Variants in NTRK3 observed in about 807,000 individuals in gnomAD.
The protein encoded by NTRK3 is neurotrophic receptor tyrosine kinase 3.
NTRK3 carries 24 observed loss-of-function variants against 91.7 expected under a neutral mutation model. The observed-to-expected ratio is 0.26, with a 90% CI of 0.19 to 0.37. The LOEUF (loss-of-function observed/expected upper bound fraction) is 0.37. Among genes scored for constraint, NTRK3 ranks in the 10% least tolerant of loss-of-function variants. The pLI is 1.00. For missense variants in NTRK3, 880 were observed against 1,068.9 expected, an observed-to-expected ratio of 0.82 and a Z score of 2.46; for synonymous variants, 483 against 404.0, an observed-to-expected ratio of 1.20 and a Z score of -2.34.
intron 17 of NTRK3, among the ~76,000 whole-genome samples, chr15:87,910,330 C>T (rs1296894155): frequency 1.3e-5 from 2 of 152,156 alleles, no homozygotes; most frequent in Non-Finnish European, 2.9e-5. Context: ...GAAAAAGTGG[C>T]ACTGAGGTGC....
chr15:88,160,838 TA>T (rs1394382427), intron 5 of NTRK3, among the ~76,000 whole-genome samples: 4 of 152,252 alleles, frequency 2.6e-5, no homozygotes, highest in African/African-American at 9.6e-5. Flanking sequence ...GAAAAGCATT[TA>T]GGGGAGAGGT....
At chr15:88,006,777 TG>T (rs1381493639) in intron 14 of NTRK3, among the ~76,000 whole-genome samples, 1 of 152,238 alleles carries the variant, frequency 6.6e-6, no homozygotes, top group Non-Finnish European at 1.5e-5. Flanking sequence ...GGCACACAGC[TG>T]GGCTTCCAAA....
chr15:87,935,541 G>A (rs1349037384), intron 15 of NTRK3, among the ~76,000 whole-genome samples: 2 of 152,188 alleles, frequency 1.3e-5, no homozygotes, highest in Non-Finnish European at 2.9e-5. Context: ...ATTGAATGAT[G>A]CAGAGTGGTT....
intron 17 of NTRK3, among the ~76,000 whole-genome samples, chr15:87,924,590 C>A (rs2068135041): frequency 6.6e-6 from 1 of 152,184 alleles, no homozygotes; most frequent in South Asian, 2.1e-4. Context: ...CTCTTCTGAA[C>A]ATTCTCCCAG....
At chr15:88,081,447 C>T (rs1346162874) in intron 13 of NTRK3, among the ~76,000 whole-genome samples, 1 of 152,228 alleles carries the variant, frequency 6.6e-6, no homozygotes, top group Non-Finnish European at 1.5e-5. Context: ...TGTTTCCCAA[C>T]CAGAGCCCAG....
At chr15:88,077,623 G>A (rs528039720) in intron 13 of NTRK3, among the ~76,000 whole-genome samples, 7 of 152,214 alleles carry the variant, frequency 4.6e-5, no homozygotes, top group East Asian at 3.9e-4. Context: ...GAACAACGAC[G>A]ACGTTATATC....
chr15:87,938,058 T>C (rs542602007), intron 15 of NTRK3, among the ~76,000 whole-genome samples: 1 of 152,238 alleles, frequency 6.6e-6, no homozygotes, highest in Admixed American at 6.5e-5. Flanking sequence ...GTGTAAATGT[T>C]CTATTTGTCT....
At chr15:87,947,523 C>G (rs1204431828) in intron 14 of NTRK3, among the ~76,000 whole-genome samples, 1 of 152,074 alleles carries the variant, frequency 6.6e-6, no homozygotes, top group Non-Finnish European at 1.5e-5. Context: ...TGTGAGCCAC[C>G]AGGATGACAT....
In NTRK3 at chr15:87,934,649, A is replaced by G. The variant is rs371878424; in HGVS notation, c.1717-1465T>C. ...ACACCAGAAATGATGGACTTTTAGT[A>G]TGAAAAGGGCCCTAGACATCATCTA... is the stretch of plus-strand genomic sequence containing the variant. On this transcript the variant is annotated intron_variant, in intron 15 of 18. Coordinates refer to ENST00000394480, the Ensembl canonical transcript of NTRK3. Among the ~76,000 whole-genome samples, 11 of 152,272 alleles carry G rather than the reference A, an allele frequency of 7.2e-5. No individual in the cohort carries two copies. In the South Asian group the frequency reaches 2.3e-3, roughly 32 times the overall value.
At chr15:88,198,173 G>A (rs1010749073) in intron 3 of NTRK3, among the ~76,000 whole-genome samples, 8 of 152,214 alleles carry the variant, frequency 5.3e-5, no homozygotes, top group African/African-American at 1.9e-4. Flanking sequence ...ATGGCAGGGA[G>A]GGTAACCCTA....
chr15:87,985,069 T>C (rs2074631300), intron 14 of NTRK3, among the ~76,000 whole-genome samples: 1 of 152,180 alleles, frequency 6.6e-6, no homozygotes, highest in African/African-American at 2.4e-5. Flanking sequence ...TTATGCTCCC[T>C]CTGGTCATGG....
intron 3 of NTRK3, among the ~76,000 whole-genome samples, chr15:88,211,735 C>A (rs149207408): frequency 6.6e-6 from 1 of 152,296 alleles, no homozygotes; most frequent in Non-Finnish European, 1.5e-5. Context: ...AATCAAGTCA[C>A]TACAAGTCAG....
chr15:88,070,522 A>G (rs1252624144), intron 13 of NTRK3, among the ~76,000 whole-genome samples: 1 of 152,168 alleles, frequency 6.6e-6, no homozygotes, highest in African/African-American at 2.4e-5. Context: ...GCTTCCTTCA[A>G]TTAGAGAAGG....
At chr15:87,928,704 G>C (rs1377000362) in intron 17 of NTRK3, 1 of 206,666 alleles carries the variant, frequency 4.8e-6, no homozygotes, top group East Asian at 1.2e-4. Context: ...CTTTACTTAG[G>C]TTTCCTCTTC....
intron 14 of NTRK3, among the ~76,000 whole-genome samples, chr15:88,027,425 C>G (rs1422599204): frequency 6.6e-6 from 1 of 152,158 alleles, no homozygotes; most frequent in African/African-American, 2.4e-5. Flanking sequence ...CTCTGTCGCC[C>G]AGGCTGCAGT....
chr15:87,928,423 T>C (rs1156578290), intron 17 of NTRK3: 1 of 151,820 alleles, frequency 6.6e-6, no homozygotes, highest in Non-Finnish European at 1.5e-5. Context: ...AATAACACTA[T>C]CAGAATCAGT....
chr15:87,911,029 G>T (rs986608748), intron 17 of NTRK3, among the ~76,000 whole-genome samples: 19 of 152,084 alleles, frequency 1.2e-4, no homozygotes, highest in Non-Finnish European at 1.5e-5. Flanking sequence ...GGATAGAAAG[G>T]TCAAATGAAG....
At chr15:88,160,955 AT>A (rs1416492772) in intron 5 of NTRK3, among the ~76,000 whole-genome samples, 1 of 152,186 alleles carries the variant, frequency 6.6e-6, no homozygotes, top group Non-Finnish European at 1.5e-5. Context: ...CAGATTCTTC[AT>A]CTTGACCATG....
chr15:88,071,455 G>A (rs2047083189), intron 13 of NTRK3, among the ~76,000 whole-genome samples: 1 of 152,358 alleles, frequency 6.6e-6, no homozygotes, highest in African/African-American at 2.4e-5. Context: ...AAGTTATATG[G>A]GCTGGCACAA....
Sources: allele counts gnomAD v4.1 joint callset (sites outside exome capture counted in the v4.1 genomes callset), GRCh38; gene constraint gnomAD v4.1.1; transcripts MANE v1.5; gene names NCBI Gene and HGNC (gene_info 2026-07-23, HGNC 2026-07-21).